ERBB4: variants seen among roughly 807,000 people sequenced by gnomAD.
ERBB4 encodes receptor tyrosine-protein kinase erbB-4.
A neutral mutation model predicts 158.0 loss-of-function variants in ERBB4; 42 were observed. The observed-to-expected ratio is 0.27, with a 90% CI of 0.21 to 0.34. The LOEUF is 0.34. Among genes scored for constraint, ERBB4 ranks in the 10% least tolerant of loss-of-function variants. The pLI is 1.00. For synonymous variants in ERBB4, 583 were observed against 558.7 expected, an observed-to-expected ratio of 1.04 and a Z score of -0.61; for missense variants, 1,333 against 1,624.1, an observed-to-expected ratio of 0.82 and a Z score of 3.08.
At chr2:211,649,672 A>G (rs1175885267) in intron 16 of ERBB4, among the ~76,000 whole-genome samples, 1 of 151,980 alleles carries the variant, frequency 6.6e-6, no homozygotes, top group African/African-American at 2.4e-5. Flanking sequence ...AAAAGTAACT[A>G]TAATTATTCC....
At chr2:212,390,744 G>A (rs761390409) in intron 1 of ERBB4, among the ~76,000 whole-genome samples, 12 of 151,588 alleles carry the variant, frequency 7.9e-5, no homozygotes, top group Non-Finnish European at 1.3e-4. Flanking sequence ...TATTGGTGCC[G>A]GATATCTTCC....
At chr2:212,206,124 G>A (rs1310043405) in intron 1 of ERBB4, among the ~76,000 whole-genome samples, 2 of 152,128 alleles carry the variant, frequency 1.3e-5, no homozygotes, top group African/African-American at 2.4e-5. Context: ...ATATGGCCCT[G>A]GTTCTACTGA....
chr2:211,621,678 A>C (rs527912708), intron 18 of ERBB4, among the ~76,000 whole-genome samples: 30 of 152,196 alleles, frequency 2.0e-4, no homozygotes, highest in Non-Finnish European at 3.5e-4. Context: ...ATTATCTTTA[A>C]AAATATAGGA....
chr2:211,934,640 T>G (rs181363700), intron 3 of ERBB4, among the ~76,000 whole-genome samples: 1 of 151,952 alleles, frequency 6.6e-6, no homozygotes, highest in Admixed American at 6.6e-5. Context: ...ACCCCATGAG[T>G]AACAAAATAA....
At chr2:212,334,890 A>G (rs77785413) in intron 1 of ERBB4, among the ~76,000 whole-genome samples, 1 of 152,120 alleles carries the variant, frequency 6.6e-6, no homozygotes, top group East Asian at 1.9e-4. Flanking sequence ...ACGTCTGGGG[A>G]CCATCATTCA....
intron 3 of ERBB4, among the ~76,000 whole-genome samples, chr2:211,889,141 G>A (rs1189855051): frequency 7.7e-5 from 11 of 143,370 alleles, no homozygotes; most frequent in East Asian, 3.9e-4. Context: ...GCAGACTTAA[G>A]TGTCCCTGTC....
intron 3 of ERBB4, among the ~76,000 whole-genome samples, chr2:211,929,841 T>C (rs748508275): frequency 5.3e-5 from 8 of 152,194 alleles, no homozygotes; most frequent in Non-Finnish European, 1.0e-4. Context: ...CATATGCATC[T>C]ATACACATGT....
chr2:211,866,291 T>G (rs1268432886), intron 3 of ERBB4, among the ~76,000 whole-genome samples: 5 of 152,148 alleles, frequency 3.3e-5, no homozygotes, highest in Non-Finnish European at 7.4e-5. Context: ...CTTATGATCT[T>G]GTCTCTGGGT....
chr2:211,890,536 A>G (rs1019796822), intron 3 of ERBB4, among the ~76,000 whole-genome samples: 5 of 151,786 alleles, frequency 3.3e-5, no homozygotes, highest in African/African-American at 9.7e-5. Flanking sequence ...TAATGACTGG[A>G]TCAAATTCAC....
intron 20 of ERBB4, among the ~76,000 whole-genome samples, chr2:211,526,636 A>G (rs1307951907): frequency 6.6e-6 from 1 of 152,170 alleles, no homozygotes; most frequent in Admixed American, 6.5e-5. Flanking sequence ...AAGATATCTG[A>G]TATTTCAGAG....
intron 1 of ERBB4, among the ~76,000 whole-genome samples, chr2:212,440,007 A>G (rs2092220980): frequency 6.6e-6 from 1 of 152,202 alleles, no homozygotes; most frequent in African/African-American, 2.4e-5. Flanking sequence ...ATGAGTTTGC[A>G]ACTCAAAATC....
At chr2:211,661,716 A>C (rs1430850498) in intron 15 of ERBB4, among the ~76,000 whole-genome samples, 1 of 152,126 alleles carries the variant, frequency 6.6e-6, no homozygotes, top group African/African-American at 2.4e-5. Context: ...TCATTATATC[A>C]GTTTAAGAAT....
rs185703038 is a variant in ERBB4, at chr2:211,451,375, G to T, written c.2488-20275C>A. On this transcript the variant is annotated intron_variant, in intron 20 of 27. Transcript: ENST00000342788. The stretch of plus-strand genomic sequence containing the variant: ...TGGACAGGAAATTGGAGATGAAAAA[G>T]GAAAACAGTATTTGTAGACTATTCT... Among the ~76,000 whole-genome samples the T allele has an allele frequency of 1.3e-3, 192 of 152,248 alleles. 1 individual carries two copies. Among genetic ancestry groups the T allele is most frequent in the African/African-American group, 4.3e-3 (177 of 41,522 alleles).
chr2:212,322,747 T>C (rs1380925640), intron 1 of ERBB4, among the ~76,000 whole-genome samples: 2 of 150,424 alleles, frequency 1.3e-5, no homozygotes, highest in Admixed American at 6.6e-5. Context: ...CTAAAGAAAA[T>C]GATCACTCAA....
intron 2 of ERBB4, among the ~76,000 whole-genome samples, chr2:212,110,838 G>T (rs2079382672): frequency 6.7e-6 from 1 of 150,330 alleles, no homozygotes; most frequent in Admixed American, 6.7e-5. Context: ...TGTTTACTGA[G>T]CTTAACTTCT....
chr2:212,237,789 T>A (rs1448286840), intron 1 of ERBB4, among the ~76,000 whole-genome samples: 3 of 152,178 alleles, frequency 2.0e-5, no homozygotes, highest in African/African-American at 2.4e-5. Context: ...AGAGGAGGAA[T>A]CTAGAGAGGC....
intron 2 of ERBB4, among the ~76,000 whole-genome samples, chr2:212,003,256 GGAAAGAGAGA>G (rs2076180856): frequency 1.1e-5 from 1 of 92,436 alleles, no homozygotes. Context: ...AAGGAAGGAA[GGAAAGAGAGA>G]GAAAGACAAT....
intron 1 of ERBB4, among the ~76,000 whole-genome samples, chr2:212,428,048 A>G (rs887130189): frequency 4.6e-5 from 7 of 151,254 alleles, no homozygotes; most frequent in South Asian, 4.2e-4. Context: ...AAGGATCTCA[A>G]TCTCACATAA....
At chr2:212,418,175 G>C (rs1225121336) in intron 1 of ERBB4, among the ~76,000 whole-genome samples, 2 of 151,902 alleles carry the variant, frequency 1.3e-5, no homozygotes, top group Non-Finnish European at 2.9e-5. Flanking sequence ...AGCAGCCTGA[G>C]CAGACCAAGA....
Sources: allele counts gnomAD v4.1 joint callset (sites outside exome capture counted in the v4.1 genomes callset), GRCh38; gene constraint gnomAD v4.1.1; transcripts MANE v1.5; gene names NCBI Gene and HGNC (gene_info 2026-07-23, HGNC 2026-07-21).